Variants in EPB41L5 observed in about 807,000 individuals in gnomAD.
EPB41L5 encodes erythrocyte membrane protein band 4.1 like 5.
A neutral mutation model predicts 106.6 loss-of-function variants in EPB41L5; 55 were observed. That is an observed-to-expected ratio of 0.52 (90% CI 0.42 to 0.65). The LOEUF (loss-of-function observed/expected upper bound fraction) is 0.65, where lower values mean the gene tolerates loss of function less well. Among genes scored for constraint, EPB41L5 ranks in the 30% least tolerant of loss-of-function variants. The probability of loss-of-function intolerance (pLI) is 0.00; values close to 1 mark genes in which losing one functional copy is unlikely to be tolerated. For synonymous variants in EPB41L5, 297 were observed against 306.7 expected (o/e 0.97, Z 0.33); for missense variants, 871 against 882.1 (o/e 0.99, Z 0.16).
At chr2:120,113,274 A>G (rs1377409231) in intron 16 of EPB41L5, among the ~76,000 whole-genome samples, 2 of 152,206 alleles carry the variant, frequency 1.3e-5, no homozygotes, top group African/African-American at 2.4e-5. Flanking sequence ...GAACCTAACT[A>G]GATAAACAGG....
chr2:120,065,196 C>T (rs768348603), intron 3 of EPB41L5, among the ~76,000 whole-genome samples: 16 of 151,988 alleles, frequency 1.1e-4, no homozygotes, highest in Non-Finnish European at 1.5e-4. Context: ...CCCTTGAAGC[C>T]CCAAACTACT....
chr2:120,068,789 A>G (rs946762561), intron 3 of EPB41L5, among the ~76,000 whole-genome samples: 1 of 151,506 alleles, frequency 6.6e-6, no homozygotes, highest in African/African-American at 2.4e-5. Flanking sequence ...GCTCAAAATA[A>G]AGGGAGGGAG....
intron 3 of EPB41L5, among the ~76,000 whole-genome samples, chr2:120,043,471 C>T (rs766503820): frequency 3.3e-5 from 5 of 151,932 alleles, no homozygotes; most frequent in East Asian, 1.9e-4. Context: ...CGCTTGAACC[C>T]GGGAGGCAGA....
intron 2 of EPB41L5, among the ~76,000 whole-genome samples, chr2:120,020,643 A>T (rs1243040480): frequency 6.6e-6 from 1 of 152,176 alleles, no homozygotes; most frequent in Admixed American, 6.5e-5. Flanking sequence ...CTTATTTGAT[A>T]GGAATCTTAA....
intron 1 of EPB41L5, among the ~76,000 whole-genome samples, chr2:120,015,030 T>TA (rs1319831160): frequency 6.7e-6 from 1 of 149,202 alleles, no homozygotes; most frequent in Non-Finnish European, 1.5e-5. Context: ...TTTTTTCCAT[T>TA]AAAAAAAATT....
At chr2:120,070,274 A>G (rs1386684625) in intron 3 of EPB41L5, among the ~76,000 whole-genome samples, 1 of 152,182 alleles carries the variant, frequency 6.6e-6, no homozygotes, top group Non-Finnish European at 1.5e-5. Flanking sequence ...TCCCAAGACT[A>G]AACCAGGAAG....
At chr2:120,062,516 A>G (rs1383828988) in intron 3 of EPB41L5, among the ~76,000 whole-genome samples, 1 of 152,228 alleles carries the variant, frequency 6.6e-6, no homozygotes, top group African/African-American at 2.4e-5. Flanking sequence ...TGGAATCATC[A>G]GGTCAAAGAG....
chr2:120,143,387 A>G (rs751246200), intron 19 of EPB41L5, among the ~76,000 whole-genome samples: 3 of 152,164 alleles, frequency 2.0e-5, no homozygotes, highest in Non-Finnish European at 4.4e-5. Flanking sequence ...TATTAAATCT[A>G]TGATTCTAGG....
At chr2:120,082,567 CT>C (rs1394216214) in intron 10 of EPB41L5, among the ~76,000 whole-genome samples, 2 of 151,816 alleles carry the variant, frequency 1.3e-5, no homozygotes, top group Non-Finnish European at 2.9e-5. Flanking sequence ...CTAAAATTCT[CT>C]TTTTTTGTTG....
At chr2:120,083,059 C>T (rs1309550816) in intron 10 of EPB41L5, among the ~76,000 whole-genome samples, 4 of 152,156 alleles carry the variant, frequency 2.6e-5, no homozygotes, top group African/African-American at 9.7e-5. Flanking sequence ...AAACAACCAG[C>T]TCCTGGATTG....
chr2:120,138,106 C>T (rs1232529755), intron 18 of EPB41L5, among the ~76,000 whole-genome samples: 5 of 151,904 alleles, frequency 3.3e-5, no homozygotes, highest in African/African-American at 9.7e-5. Context: ...GGACAAAAAC[C>T]ATATGATCAT....
chr2:120,091,986 C>G (rs993235865), intron 13 of EPB41L5, among the ~76,000 whole-genome samples: 1 of 150,964 alleles, frequency 6.6e-6, no homozygotes, highest in African/African-American at 2.4e-5. Context: ...CCCTTAATCC[C>G]CTTAGGAATT....
chr2:120,091,354 C>A (rs1683398902), intron 12 of EPB41L5, among the ~76,000 whole-genome samples: 1 of 152,032 alleles, frequency 6.6e-6, no homozygotes, highest in Non-Finnish European at 1.5e-5. Context: ...AAAAATAAAA[C>A]CAACATAATC....
chr2:120,125,313 G>A (rs1245585915), intron 16 of EPB41L5, among the ~76,000 whole-genome samples: 9 of 152,122 alleles, frequency 5.9e-5, no homozygotes, highest in Non-Finnish European at 1.3e-4. Context: ...GCCAAACAGT[G>A]GAAACACCGC....
intron 3 of EPB41L5, among the ~76,000 whole-genome samples, chr2:120,059,880 C>T (rs927092343): frequency 1.3e-5 from 2 of 152,172 alleles, no homozygotes; most frequent in Admixed American, 1.3e-4. Context: ...AACCGTGTCT[C>T]AACCAAAAAC....
chr2:120,151,255 A>T (rs1190866370), intron 20 of EPB41L5, among the ~76,000 whole-genome samples: 3 of 151,988 alleles, frequency 2.0e-5, no homozygotes, highest in Non-Finnish European at 4.4e-5. Context: ...AGCCGAGATC[A>T]CGCCACTGCA....
intron 14 of EPB41L5, among the ~76,000 whole-genome samples, chr2:120,097,665 G>A (rs1461303751): frequency 6.6e-6 from 1 of 152,090 alleles, no homozygotes; most frequent in Non-Finnish European, 1.5e-5. Flanking sequence ...AAGAAAAAAT[G>A]GTAGAGGAAA....
At chr2:120,126,895 A>G (rs890680577) in intron 16 of EPB41L5, among the ~76,000 whole-genome samples, 4 of 152,210 alleles carry the variant, frequency 2.6e-5, no homozygotes, top group South Asian at 4.1e-4. Context: ...AAGTGTTCCA[A>G]TCTGTGAACA....
intron 14 of EPB41L5, among the ~76,000 whole-genome samples, chr2:120,097,115 T>G (rs1683807038): frequency 6.6e-6 from 1 of 152,258 alleles, no homozygotes. Context: ...TTAACTTTAA[T>G]GGCTAAATGT....
Sources: allele counts gnomAD v4.1 joint callset (sites outside exome capture counted in the v4.1 genomes callset), GRCh38; gene constraint gnomAD v4.1.1; transcripts MANE v1.5; gene names NCBI Gene and HGNC (gene_info 2026-07-23, HGNC 2026-07-21).